Variants in POLQ observed in about 807,000 individuals in gnomAD.
POLQ encodes DNA polymerase theta.
POLQ carries 233 observed loss-of-function variants against 259.2 expected under a neutral mutation model. The observed-to-expected ratio is 0.90, with a 90% CI of 0.81 to 1.00. The LOEUF (loss-of-function observed/expected upper bound fraction) is 1.00. Ranked by LOEUF, POLQ falls within the 50% of genes least tolerant of loss-of-function variation. The pLI, the probability that POLQ is intolerant of heterozygous loss-of-function variation, is 0.00. For synonymous variants in POLQ, 1,025 were observed against 1,048.8 expected (o/e 0.98, Z 0.44); for missense variants, 2,871 against 3,051.6 (o/e 0.94, Z 1.39).
chr3:121,537,260 G>A (rs2108820230), intron 4 of POLQ, 52 bp from the exon 5 acceptor site: 2 of 1,016,758 alleles, frequency 2.0e-6, no homozygotes, highest in South Asian at 2.7e-5. Flanking sequence ...CATCCATGAA[G>A]AATTTTTTTC....
At chr3:121,540,848 T>C (rs561238238) in intron 3 of POLQ, among the ~76,000 whole-genome samples, 13 of 152,138 alleles carry the variant, frequency 8.5e-5, no homozygotes, top group Non-Finnish European at 1.6e-4. Flanking sequence ...CCCCTTCTCC[T>C]TAATGCAATA....
At position 121,488,945 on chromosome 3, in the gene POLQ, T is replaced by C. The variant is rs768390736; in HGVS notation, c.3986A>G (p.Glu1329Gly). ...EDSFYLDTQS[E>G]KIIQQMATEN... Reference sequence around the variant, plus strand: ...AGTTGCCATCTGTTGTATTATTTTCTCTGACTGAGTATCCAGATAGAAACT... The same window carrying C: ...AGTTGCCATCTGTTGTATTATTTTCCCTGACTGAGTATCCAGATAGAAACT... Residue 1329 changes from glutamate (E) to glycine (G), a missense_variant, in exon 16 of 30, where the codon GAG (glutamate) becomes GGG (glycine). This residue lies in a region of POLQ where 2,080 missense variants were observed against 2,126.0 expected (regional missense o/e 0.98). Transcript: ENST00000264233. 2.5e-6 allele frequency: 4 copies of C among 1,614,134 alleles called. No homozygotes were observed. The highest frequency in any genetic ancestry group is 3.4e-6 in the Non-Finnish European group (4 of 1,179,954).
At position 121,497,184 on chromosome 3, in the gene POLQ, C is replaced by A. The variant is rs1309189937; in HGVS notation, c.2154-252G>T. Among the ~76,000 whole-genome samples, 3 of 152,132 alleles carry A rather than the reference C, an allele frequency of 2.0e-5. 1 individual carries two copies. The highest frequency in any genetic ancestry group is 4.4e-5 in the Non-Finnish European group (3 of 68,012). ...AACAAAAACCTGCCCATATTCAAAA[C>A]TGCTGCTAACAAGAAATGAGACTTG... On this transcript the variant is annotated intron_variant, in intron 13 of 29. Coordinates refer to ENST00000264233, the MANE Select transcript of POLQ (RefSeq NM_199420.4).
intron 9 of POLQ, among the ~76,000 whole-genome samples, chr3:121,516,581 A>T (rs754133509): frequency 6.6e-6 from 1 of 152,214 alleles, no homozygotes; most frequent in Non-Finnish European, 1.5e-5. Context: ...GGAAGTTGAA[A>T]TTATTTAGAA....
chr3:121,461,912 G>C (rs1198181192), intron 24 of POLQ, among the ~76,000 whole-genome samples: 1 of 152,074 alleles, frequency 6.6e-6, no homozygotes, highest in African/African-American at 2.4e-5. Flanking sequence ...GTTGATTTCT[G>C]AACTATGTTA....
At chr3:121,450,691 A>G (rs2047667692) in intron 25 of POLQ, among the ~76,000 whole-genome samples, 1 of 152,112 alleles carries the variant, frequency 6.6e-6, no homozygotes, top group Non-Finnish European at 1.5e-5. Context: ...TTTGTGGGTA[A>G]CCCGACCTTT....
At position 121,460,073 on chromosome 3, in the gene POLQ, C is replaced by T. The variant is rs1560089670; in HGVS notation, c.7129G>A (p.Asp2377Asn). The T allele has an allele frequency of 1.2e-6, 2 of 1,613,992 alleles. No individual in the cohort carries two copies. ...ACCTGTTTTGCCTGCTGCCTCAGAT[C>T]ATCCCCAACAGACTCTGGCTCAATC... Reference protein sequence around the residue: ...KMIEPESVGDDLRQQAKQICY... With the variant: ...KMIEPESVGDNLRQQAKQICY... Residue 2377 changes from aspartate (D) to asparagine (N), a missense_variant, in exon 25 of 30, where the codon GAT becomes AAT. Around this residue, in one of 3 missense-constraint regions of POLQ, gnomAD observed 2,080 missense variants for 2,126.0 expected, o/e 0.98. Coordinates refer to ENST00000264233, the MANE Select transcript of POLQ (RefSeq NM_199420.4).
chr3:121,541,447 C>T lies in POLQ; in HGVS notation c.376G>A (p.Glu126Lys). Residue 126 changes from glutamate to lysine, a missense_variant, in exon 3 of 30, where the codon GAA becomes AAA. Physicochemically the swap from Glu to Lys is moderately conservative, Grantham distance 56. Transcript: ENST00000264233. ...AAAACCCGCTTCAAAATAAGTAATTCTGCCACAAGAGTCTTCCCAGCACTT... is the reference window on the plus strand; with the variant it reads ...AAAACCCGCTTCAAAATAAGTAATTTTGCCACAAGAGTCTTCCCAGCACTT... ...PTSAGKTLVA[E>K]LLILKRVLEM... 1 of 1,611,036 alleles carries T rather than the reference C, an allele frequency of 6.2e-7. No individual in the cohort carries two copies.
intron 3 of POLQ, among the ~76,000 whole-genome samples, chr3:121,540,254 T>C (rs1005321584): frequency 1.3e-5 from 2 of 152,118 alleles, no homozygotes; most frequent in African/African-American, 2.4e-5. Flanking sequence ...TCAATAAAAT[T>C]TTCCTGAGTG....
chr3:121,493,494 C>A lies in POLQ; in HGVS notation c.2506G>T (p.Ala836Ser), dbSNP rs780888297. The change falls in exon 15 of 30, where the codon GCT (alanine) becomes TCT (serine). Residue 836 changes from alanine (A) to serine (S), a missense_variant. Transcript: ENST00000264233. The stretch of plus-strand genomic sequence containing the variant: ...TTTTCTTACCTTTTGAAAGGCACAG[C>A]ATTTTTCAGAATCACCTCCACCTCC... The part of the protein sequence containing the change: ...IVEVEVILKN[A>S]VPFKSARKAV... 15 of 1,613,204 alleles carry A rather than the reference C, an allele frequency of 9.3e-6. No homozygotes were observed. Among genetic ancestry groups the A allele is most frequent in the Non-Finnish European group, 1.3e-5 (15 of 1,179,402 alleles).
chr3:121,537,334 A>G (rs2048458226), intron 4 of POLQ, 126 bp from the exon 5 acceptor site: 1 of 640,974 alleles, frequency 1.6e-6, no homozygotes, highest in Non-Finnish European at 2.8e-6. Context: ...TTGGGGGTAC[A>G]TGTGAAGGTC....
At chr3:121,521,863 G>A (rs557529733) in intron 8 of POLQ, 140 bp downstream of exon 8, 18 of 562,364 alleles carry the variant, frequency 3.2e-5, no homozygotes, top group Middle Eastern at 8.1e-4. Flanking sequence ...GAGCCACCAC[G>A]CCCAGCCCAC....
rs551559418 is a variant in POLQ at position 121,536,822 on chromosome 3, T to C, written c.740+278A>G. The stretch of plus-strand genomic sequence containing the variant: ...ACCATGCCCAGCTAATTTTTTTTAT[T>C]ATTTATAGAAATGGGGTCTCACTGT... On this transcript the variant is annotated intron_variant, in intron 5 of 29. Transcript: ENST00000264233. 6.6e-4 allele frequency among the ~76,000 whole-genome samples: 101 copies of C among 152,154 alleles called. 3 individuals are homozygous for C. The South Asian group carries it at 0.021, about 31-fold the overall frequency.
rs756108495 is a variant in POLQ, at chr3:121,489,061, T to G, written c.3870A>C (p.Arg1290Ser). The change falls in exon 16 of 30, where the codon AGA (arginine) becomes AGC (serine). Residue 1290 changes from arginine (R) to serine (S), a missense_variant. This residue lies in a region of POLQ where 2,080 missense variants were observed against 2,126.0 expected (regional missense o/e 0.98). Coordinates refer to ENST00000264233, the MANE Select transcript of POLQ (RefSeq NM_199420.4). ...GQHENFLNISRLQEKTGTYTT... is the reference protein window; with the variant it reads ...GQHENFLNISSLQEKTGTYTT... ...TATAAGTACCTGTTTTTTCTTGTAG[T>G]CTAGAAATATTTAGAAAATTCTCAT... The G allele has an allele frequency of 5.0e-6, 8 of 1,613,406 alleles. No individual in the cohort carries two copies. The South Asian group carries it at 8.8e-5, about 18-fold the overall frequency.
intron 14 of POLQ, 120 bp from the exon 15 acceptor site, chr3:121,493,841 G>A: frequency 2.4e-6 from 2 of 848,778 alleles, no homozygotes; most frequent in Non-Finnish European, 3.6e-6. Context: ...GATTTAACAA[G>A]GCCCAAGGTG....
In POLQ at chr3:121,483,499, G is replaced by A. The variant is rs150312701; in HGVS notation, c.5857C>T (p.Arg1953Ter). ...GAACATTCTTTATCAGATTCCTTTC[G>A]CAAGCAAGATTGAAGGTACCACATC... is the stretch of plus-strand genomic sequence containing the variant. Reference protein sequence around the residue: ...DRMWYLQSCLRKESDKECSVV... With the variant: ...DRMWYLQSCL Residue 1953 changes from arginine to a stop codon, truncating the protein, a stop_gained, in exon 18 of 30, where the codon CGA becomes TGA. Coordinates refer to ENST00000264233, the MANE Select transcript of POLQ (RefSeq NM_199420.4). LOFTEE classifies it high-confidence loss of function. 2.1e-5 allele frequency: 34 copies of A among 1,607,912 alleles called. No homozygotes were observed. In the East Asian group the frequency reaches 2.9e-4, roughly 14 times the overall value.
At chr3:121,451,861 T>C (rs1455910452) in intron 25 of POLQ, among the ~76,000 whole-genome samples, 1 of 152,248 alleles carries the variant, frequency 6.6e-6, no homozygotes, top group African/African-American at 2.4e-5. Context: ...CTGCCTTTTG[T>C]TTGGCTATGC....
In POLQ at chr3:121,490,193, T is replaced by C. The variant is rs573433501; in HGVS notation, c.2738A>G (p.His913Arg). ...LLHSSTCSLT[H>R]SESEVKEHTF... ...GTGTTCCTTTACTTCGGACTCACTA[T>C]GAGTCAATGAGCATGTACTAGAATG... Residue 913 changes from histidine to arginine, a missense_variant, in exon 16 of 30, where the codon CAT becomes CGT. By Grantham distance (29) the His-to-Arg change is conservative. Coordinates refer to ENST00000264233, the MANE Select transcript of POLQ (RefSeq NM_199420.4). The C allele has an allele frequency of 6.2e-7, 1 of 1,613,714 alleles. No individual in the cohort carries two copies. The highest frequency in any genetic ancestry group is 1.7e-5 in the Admixed American group (1 of 60,004).
At chr3:121,465,317 C>T (rs149339110) in intron 24 of POLQ, among the ~76,000 whole-genome samples, 2,429 of 152,112 alleles carry the variant, frequency 0.016, 25 homozygotes, top group Non-Finnish European at 0.027. Context: ...GTCATGAAGT[C>T]CTGGACTCAA....
Sources: allele counts gnomAD v4.1 joint callset (sites outside exome capture counted in the v4.1 genomes callset), GRCh38; gene constraint gnomAD v4.1.1; regional missense constraint gnomAD v4.1.1; transcripts MANE v1.5; gene names NCBI Gene and HGNC (gene_info 2026-07-23, HGNC 2026-07-21).